KCNH7: variants seen among roughly 807,000 people sequenced by gnomAD.
The protein encoded by KCNH7 is potassium voltage-gated channel subfamily H member 7.
In KCNH7, 49 loss-of-function variants were observed where a neutral mutation model predicts 120.8. That is an observed-to-expected ratio of 0.41 (90% CI 0.32 to 0.51). The LOEUF is 0.51. Ranked by LOEUF, KCNH7 falls within the 20% of genes least tolerant of loss-of-function variation. KCNH7 has a pLI of 0.38. For synonymous variants in KCNH7, 547 were observed against 516.1 expected (o/e 1.06, Z -0.81); for missense variants, 1,097 against 1,446.6 (o/e 0.76, Z 3.92).
At chr2:162,586,373 C>A (rs531563721) in intron 2 of KCNH7, among the ~76,000 whole-genome samples, 10 of 152,124 alleles carry the variant, frequency 6.6e-5, no homozygotes, top group Non-Finnish European at 1.5e-4. Context: ...CAATGAACCA[C>A]GTGGGGAGAA....
intron 12 of KCNH7, among the ~76,000 whole-genome samples, chr2:162,385,432 CT>C (rs1160097705): frequency 6.6e-6 from 1 of 151,878 alleles, no homozygotes; most frequent in African/African-American, 2.4e-5. Flanking sequence ...GAATTTCAAC[CT>C]TAGTCTGATG....
intron 11 of KCNH7, among the ~76,000 whole-genome samples, chr2:162,395,259 TGTA>T (rs1193004564): frequency 6.6e-6 from 1 of 151,766 alleles, no homozygotes; most frequent in Admixed American, 6.6e-5. Flanking sequence ...AAAAGTCAAT[TGTA>T]GTAATTTAAA....
chr2:162,683,863 A>T (rs1322875903), intron 2 of KCNH7, among the ~76,000 whole-genome samples: 2 of 152,064 alleles, frequency 1.3e-5, no homozygotes, highest in East Asian at 3.9e-4. Flanking sequence ...TTCATATGGA[A>T]CCAAAAAAGA....
intron 6 of KCNH7, among the ~76,000 whole-genome samples, chr2:162,461,562 G>A (rs1689146481): frequency 6.6e-6 from 1 of 152,218 alleles, no homozygotes; most frequent in Admixed American, 6.5e-5. Flanking sequence ...GCTCTCTGGT[G>A]TGACCTTGGA....
chr2:162,712,230 T>C (rs1357196266), intron 2 of KCNH7, among the ~76,000 whole-genome samples: 3 of 152,126 alleles, frequency 2.0e-5, no homozygotes. Flanking sequence ...CAAAAGCAGA[T>C]TTTTGAGAAT....
At chr2:162,403,127 T>C (rs1340091735) in intron 9 of KCNH7, among the ~76,000 whole-genome samples, 1 of 151,980 alleles carries the variant, frequency 6.6e-6, no homozygotes, top group Non-Finnish European at 1.5e-5. Context: ...ATAGACAATA[T>C]ACTTTGGACT....
chr2:162,719,612 C>T (rs1034184229), intron 2 of KCNH7, among the ~76,000 whole-genome samples: 11 of 152,016 alleles, frequency 7.2e-5, no homozygotes, highest in Admixed American at 3.3e-4. Flanking sequence ...CTAGGAAAAC[C>T]AGTTTTAAAC....
chr2:162,542,738 T>C (rs535602051), intron 2 of KCNH7, among the ~76,000 whole-genome samples: 2 of 152,184 alleles, frequency 1.3e-5, no homozygotes, highest in South Asian at 4.1e-4. Flanking sequence ...TATAGCAGCA[T>C]GACTTATAGT....
chr2:162,589,842 C>T (rs752457826), intron 2 of KCNH7, among the ~76,000 whole-genome samples: 23 of 152,078 alleles, frequency 1.5e-4, no homozygotes, highest in Admixed American at 1.0e-3. Flanking sequence ...AGTACTATGT[C>T]TGCTACTAAC....
chr2:162,655,557 TGGGC>T (rs1684721472), intron 2 of KCNH7, among the ~76,000 whole-genome samples: 1 of 151,742 alleles, frequency 6.6e-6, no homozygotes, highest in Non-Finnish European at 1.5e-5. Flanking sequence ...GAGACTGAGG[TGGGC>T]GGATCACGAG....
intron 6 of KCNH7, among the ~76,000 whole-genome samples, chr2:162,447,548 C>T (rs1458056627): frequency 6.6e-6 from 1 of 152,026 alleles, no homozygotes; most frequent in Non-Finnish European, 1.5e-5. Flanking sequence ...TATACAATGG[C>T]TCTATTTCAA....
At chr2:162,775,108 C>A (rs1683186066) in intron 2 of KCNH7, among the ~76,000 whole-genome samples, 1 of 151,924 alleles carries the variant, frequency 6.6e-6, no homozygotes, top group Admixed American at 6.6e-5. Context: ...ATACATATAA[C>A]CATATTGTTT....
chr2:162,601,062 A>G (rs1694534667), intron 2 of KCNH7, among the ~76,000 whole-genome samples: 1 of 152,082 alleles, frequency 6.6e-6, no homozygotes, highest in Non-Finnish European at 1.5e-5. Flanking sequence ...AGGAAAGGGG[A>G]AAAAAGGGTA....
intron 2 of KCNH7, among the ~76,000 whole-genome samples, chr2:162,640,500 T>C (rs1324856422): frequency 6.8e-6 from 1 of 147,346 alleles, no homozygotes; most frequent in Non-Finnish European, 1.5e-5. Context: ...CCCATATACA[T>C]TAAAAAAAAA....
intron 14 of KCNH7, among the ~76,000 whole-genome samples, chr2:162,379,305 G>T (rs991677255): frequency 6.6e-6 from 1 of 152,142 alleles, no homozygotes; most frequent in African/African-American, 2.4e-5. Context: ...CTTAGGGGAA[G>T]GGATTACCTC....
chr2:162,809,476 T>A (rs1275366013), intron 2 of KCNH7, among the ~76,000 whole-genome samples: 1 of 152,168 alleles, frequency 6.6e-6, no homozygotes, highest in African/African-American at 2.4e-5. Flanking sequence ...TCTATTGATA[T>A]GTAACCTAAC....
intron 2 of KCNH7, among the ~76,000 whole-genome samples, chr2:162,810,551 G>GT (rs1684702255): frequency 6.6e-6 from 1 of 152,100 alleles, no homozygotes; most frequent in Admixed American, 6.6e-5. Flanking sequence ...GGAAAGGTAT[G>GT]TTTATATTTG....
intron 2 of KCNH7, among the ~76,000 whole-genome samples, chr2:162,550,819 C>A (rs1461078067): frequency 1.3e-5 from 2 of 150,678 alleles, no homozygotes. Context: ...AAAAATGTGG[C>A]AAAATACTAT....
intron 2 of KCNH7, among the ~76,000 whole-genome samples, chr2:162,761,218 A>G (rs1418072513): frequency 1.3e-5 from 2 of 152,092 alleles, no homozygotes; most frequent in African/African-American, 4.8e-5. Flanking sequence ...AGCAAGCTTA[A>G]GTGAGGGAGT....
Sources: gnomAD v4.1 joint callset for allele counts (sites outside exome capture counted in the v4.1 genomes callset) on GRCh38, gnomAD v4.1.1 for gene constraint, MANE v1.5 for transcripts, NCBI Gene and HGNC (gene_info 2026-07-23, HGNC 2026-07-21) for gene names.